AHCY: variants seen among roughly 807,000 people sequenced by gnomAD.
The protein encoded by AHCY is adenosylhomocysteinase, also known as S-adenosyl-L-homocysteine hydrolase.
In AHCY, 24 loss-of-function variants were observed where a neutral mutation model predicts 45.4. The ratio of observed to expected loss-of-function variants is 0.53; its 90% CI spans 0.38 to 0.74. The LOEUF (loss-of-function observed/expected upper bound fraction) is 0.74. AHCY is among the 30% of genes least tolerant of loss of function. The pLI, the probability that AHCY is intolerant of heterozygous loss-of-function variation, is 0.00. For missense variants in AHCY, 449 were observed against 594.1 expected (o/e 0.76, Z 2.54); for synonymous variants, 245 against 235.1 (o/e 1.04, Z -0.39).
upstream of AHCY, among the ~76,000 whole-genome samples, chr20:34,303,525 G>T (rs1445633521): frequency 6.6e-6 from 1 of 152,246 alleles, no homozygotes; most frequent in Non-Finnish European, 1.5e-5. Context: ...CACCGGTCCG[G>T]AAGGGAGCGC....
the AHCY span, among the ~76,000 whole-genome samples, chr20:34,254,034 G>A: frequency 1.3e-5 from 2 of 152,164 alleles, no homozygotes; most frequent in East Asian, 3.9e-4. Flanking sequence ...ATTGCTGTCA[G>A]CATTATTGTC....
At position 34,290,647 on chromosome 20, in the gene AHCY, A is replaced by C; in HGVS notation, c.767-9T>G. 1 of 1,613,682 alleles carries C rather than the reference A, an allele frequency of 6.2e-7. No individual in the cohort carries two copies. Among genetic ancestry groups the C allele is most frequent in the Non-Finnish European group, 8.5e-7 (1 of 1,179,978 alleles). On this transcript the variant is annotated splice_polypyrimidine_tract_variant and intron_variant, in intron 6 of 9. Coordinates refer to ENST00000217426, the MANE Select transcript of AHCY (RefSeq NM_000687.4). The surrounding 1 kb of genome is among the most constrained non-coding windows in gnomAD (Gnocchi z 4.5). Reference sequence around the variant, plus strand: ...GGTGGTCACCTCATAGCCTGTGCAGAGACAGTGGCTGTGGGTCATCTACGG... The same window carrying C: ...GGTGGTCACCTCATAGCCTGTGCAGCGACAGTGGCTGTGGGTCATCTACGG...
chr20:34,247,270 C>T, the AHCY span, among the ~76,000 whole-genome samples: 160 of 149,464 alleles, frequency 1.1e-3, no homozygotes, highest in African/African-American at 3.5e-3. Context: ...CATCTTATTA[C>T]GAAAGCTATG....
intron 3 of AHCY, 103 bp downstream of exon 3, chr20:34,293,977 TC>T (rs2036487975): frequency 8.3e-7 from 1 of 1,197,618 alleles, no homozygotes; most frequent in Admixed American, 1.9e-5. Flanking sequence ...GTGACTCCTC[TC>T]CCTTTCTGAT....
At chr20:34,307,499 A>G (rs2036907972), upstream of AHCY, among the ~76,000 whole-genome samples, 1 of 152,120 alleles carries the variant, frequency 6.6e-6, no homozygotes, top group South Asian at 2.1e-4. Context: ...CAGCCTCCTG[A>G]GCAGCTGGGA....
rs374310172 is a variant in AHCY at position 34,291,411 on chromosome 20, C to A, written c.558+8G>T. On this transcript the variant is annotated splice_region_variant and intron_variant, in intron 5 of 9. Coordinates refer to ENST00000217426, the MANE Select transcript of AHCY (RefSeq NM_000687.4). Reference sequence around the variant, plus strand: ...TGTAGCGGGAGCTGTCACTGCCCCTCGGCTCACCTTGGTGACGGAGTCATT... The same window carrying A: ...TGTAGCGGGAGCTGTCACTGCCCCTAGGCTCACCTTGGTGACGGAGTCATT... 3.1e-6 allele frequency: 5 copies of A among 1,611,958 alleles called. No homozygotes were observed. Among genetic ancestry groups the A allele is most frequent in the Non-Finnish European group, 2.5e-6 (3 of 1,178,514 alleles).
rs17091693 is a variant in AHCY at position 34,281,229 on chromosome 20, G to C, written c.1168-64C>G. On this transcript the variant is annotated intron_variant, in intron 9 of 9. Coordinates refer to ENST00000217426, the MANE Select transcript of AHCY (RefSeq NM_000687.4). ...TTTCTGGGACCCCTACACGCGTCTG[G>C]CTGCCAATAGAGGCAGAAGTGTTCT... The C allele has an allele frequency of 0.02, 31,943 of 1,602,538 alleles. 5,543 individuals carry two copies. In the African/African-American group the frequency reaches 0.37, roughly 19 times the overall value.
intron 3 of AHCY, among the ~76,000 whole-genome samples, chr20:34,293,246 G>A (rs819155): frequency 0.87 from 132,382 of 151,986 alleles, 57,736 homozygotes; most frequent in Admixed American, 0.91. Context: ...CACCAGAACT[G>A]AGGGCTACTG....
chr20:34,303,428 C>T (rs1255143964), upstream of AHCY: 1 of 1,107,652 alleles, frequency 9.0e-7, no homozygotes, highest in Non-Finnish European at 1.3e-6. Context: ...GGGGCGGGGC[C>T]CAACGCGCAG....
At chr20:34,269,186 G>T in the AHCY span, 14 of 1,485,532 alleles carry the variant, frequency 9.4e-6, no homozygotes, top group South Asian at 1.7e-4. Context: ...ACTCCCGGCC[G>T]CGAGCAGGCA....
At chr20:34,286,998 C>T (rs759445367) in intron 8 of AHCY, among the ~76,000 whole-genome samples, 1 of 152,036 alleles carries the variant, frequency 6.6e-6, no homozygotes, top group African/African-American at 2.4e-5. Flanking sequence ...CCCAGTCCTC[C>T]GTCTGTCCCA....
At position 34,290,696 on chromosome 20, in the gene AHCY, C is replaced by G; in HGVS notation, c.766+35G>C. On this transcript the variant is annotated intron_variant, in intron 6 of 9. Coordinates refer to ENST00000217426, the MANE Select transcript of AHCY (RefSeq NM_000687.4). This position sits in a 1 kb window ranked among gnomAD's most constrained non-coding sequence, Gnocchi z 4.5. Reference sequence around the variant, plus strand: ...GGTGGCCTTGCCCCTCCCTCTGGCCCCAGTGGCTGACAACCAACCCTTGCC... The same window carrying G: ...GGTGGCCTTGCCCCTCCCTCTGGCCGCAGTGGCTGACAACCAACCCTTGCC... The G allele has an allele frequency of 6.2e-7, 1 of 1,613,890 alleles. No homozygotes were observed. Among genetic ancestry groups the G allele is most frequent in the Non-Finnish European group, 8.5e-7 (1 of 1,179,992 alleles).
chr20:34,295,488 G>A lies in AHCY; in HGVS notation c.126C>T (p.Ser42=). ...CGATGCGGGCGCCCTTCAGTGGCTT[G>A]GAGGCCGAGTACCGCTCCCGCATAC... ...LMRMRERYSA[S]KPLKGARIAG... is the part of the protein sequence containing the mutation. Residue 42 remains serine (S), a synonymous_variant, in exon 2 of 10, where the codon TCC becomes TCT. Transcript: ENST00000217426. 1 of 1,613,842 alleles carries A rather than the reference G, an allele frequency of 6.2e-7. No homozygotes were observed. Among genetic ancestry groups the A allele is most frequent in the Non-Finnish European group, 8.5e-7 (1 of 1,180,002 alleles).
the AHCY span, among the ~76,000 whole-genome samples, chr20:34,248,852 G>A: frequency 6.6e-6 from 1 of 151,772 alleles, no homozygotes. Flanking sequence ...CCTCTCTGAA[G>A]GGGATGCCAC....
chr20:34,299,657 AGTTGGATCTATTATGTGTCAT>A (rs2036704296), intron 1 of AHCY, among the ~76,000 whole-genome samples: 1 of 152,168 alleles, frequency 6.6e-6, no homozygotes. Context: ...TTGGATGTCC[AGTTGGATCTATTATGTGTCAT>A]GTTGGAGTCC....
chr20:34,309,096 A>T (rs1047712411), intron 1 of AHCY, among the ~76,000 whole-genome samples: 1 of 149,982 alleles, frequency 6.7e-6, no homozygotes, highest in Non-Finnish European at 1.5e-5. Context: ...AATAAGTGGG[A>T]TTACAGGCAT....
chr20:34,247,300 C>CTTTTT, the AHCY span, among the ~76,000 whole-genome samples: 2 of 120,694 alleles, frequency 1.7e-5, no homozygotes, highest in African/African-American at 3.1e-5. Flanking sequence ...TTATATGATG[C>CTTTTT]TTTTTTTTTT....
chr20:34,273,157 G>C, the AHCY span, among the ~76,000 whole-genome samples: 1 of 151,760 alleles, frequency 6.6e-6, no homozygotes, highest in African/African-American at 2.4e-5. Flanking sequence ...CTCCTCCCCA[G>C]AGGTTGGGGG....
the AHCY span, among the ~76,000 whole-genome samples, chr20:34,245,400 A>T: frequency 1.3e-5 from 2 of 148,440 alleles, no homozygotes; most frequent in African/African-American, 4.9e-5. Context: ...ATTTTATTTT[A>T]TTTTTTTAGA....
Sources: gnomAD v4.1 joint callset for allele counts (sites outside exome capture counted in the v4.1 genomes callset) on GRCh38, gnomAD v4.1.1 for gene constraint, Gnocchi (gnomAD v3.1) non-coding constraint, MANE v1.5 for transcripts, NCBI Gene and HGNC (gene_info 2026-07-23, HGNC 2026-07-21) for gene names.